The following AUTS2 variants were observed in gnomAD, a reference collection of about 807,000 sequenced individuals.
The protein encoded by AUTS2 is activator of transcription and developmental regulator AUTS2.
In AUTS2, 17 loss-of-function variants were observed where a neutral mutation model predicts 112.4. The ratio of observed to expected loss-of-function variants is 0.15; its 90% CI spans 0.10 to 0.23. The LOEUF (loss-of-function observed/expected upper bound fraction) is 0.23. Ranked by LOEUF, AUTS2 falls within the 10% of genes least tolerant of loss-of-function variation. The probability of loss-of-function intolerance (pLI) is 1.00; values close to 1 mark genes in which losing one functional copy is unlikely to be tolerated. For missense variants in AUTS2, 1,510 were observed against 1,701.6 expected, an observed-to-expected ratio of 0.89 and a Z score of 1.98; for synonymous variants, 751 against 702.7, an observed-to-expected ratio of 1.07 and a Z score of -1.09.
intron 4 of AUTS2, among the ~76,000 whole-genome samples, chr7:70,400,758 T>C (rs1040911174): frequency 6.6e-6 from 1 of 152,188 alleles, no homozygotes; most frequent in African/African-American, 2.4e-5. Context: ...AAACCTTGAC[T>C]GTATCAGAAT....
intron 4 of AUTS2, among the ~76,000 whole-genome samples, chr7:70,404,426 T>G (rs1475623828): frequency 6.6e-6 from 1 of 152,190 alleles, no homozygotes; most frequent in Admixed American, 6.5e-5. Flanking sequence ...GTATTCTCTT[T>G]GTTGTGAAGG....
chr7:69,793,826 A>T (rs1255604036), intron 1 of AUTS2, among the ~76,000 whole-genome samples: 1 of 152,204 alleles, frequency 6.6e-6, no homozygotes, highest in African/African-American at 2.4e-5. Flanking sequence ...TGCAGCCAAG[A>T]CTGAGAGCCA....
intron 5 of AUTS2, among the ~76,000 whole-genome samples, chr7:70,465,164 G>A (rs1337761942): frequency 6.6e-6 from 1 of 152,204 alleles, no homozygotes; most frequent in East Asian, 1.9e-4. Context: ...AAAAACACCA[G>A]AAGGACTTGG....
chr7:69,917,279 C>T (rs1383029866), intron 2 of AUTS2, among the ~76,000 whole-genome samples: 2 of 139,110 alleles, frequency 1.4e-5, no homozygotes, highest in African/African-American at 2.8e-5. Flanking sequence ...AGAGCATTCC[C>T]TTTTTTTTTC....
rs66614263 is a variant in AUTS2 at position 70,768,877 on chromosome 7, C to CTTTTT, written c.1734+821_1734+825dup. Among the ~76,000 whole-genome samples, 21 of 108,222 alleles carry CTTTTT rather than the reference C, an allele frequency of 1.9e-4. 2 individuals carry two copies. The highest frequency in any genetic ancestry group is 3.0e-4 in the Admixed American group (3 of 9,984). 71.0% of individuals were successfully genotyped at this position (108,222 alleles called of 152,430 possible). A position where few individuals can be genotyped will look rare whatever the true frequency, so the allele number is the denominator to read the frequency against. Reference sequence around the variant, plus strand: ...TTGCAAGTTTCTTTGCCAGTGATTTCTTTTTTTTTTTTTTTTAATGAAACC... The same window carrying CTTTTT: ...TTGCAAGTTTCTTTGCCAGTGATTTCTTTTTTTTTTTTTTTTTTTTTAATGAAACC... On this transcript the variant is annotated intron_variant, in intron 10 of 18. Transcript: ENST00000342771.
At chr7:70,163,146 A>G (rs1026834894) in intron 4 of AUTS2, among the ~76,000 whole-genome samples, 1 of 151,726 alleles carries the variant, frequency 6.6e-6, no homozygotes, top group Non-Finnish European at 1.5e-5. Flanking sequence ...GCTGCCAGCT[A>G]TGAGGTTTGG....
chr7:69,657,927 C>T (rs1042703010), intron 1 of AUTS2, among the ~76,000 whole-genome samples: 6 of 152,190 alleles, frequency 3.9e-5, no homozygotes, highest in Non-Finnish European at 5.9e-5. Flanking sequence ...GGCACCTGGG[C>T]CAGGTACAGG....
chr7:69,957,166 G>A (rs544518048), intron 2 of AUTS2, among the ~76,000 whole-genome samples: 6 of 151,088 alleles, frequency 4.0e-5, no homozygotes, highest in East Asian at 2.0e-4. Context: ...GGGAGCCACC[G>A]CAACTGGCAG....
At position 70,694,937 on chromosome 7, in the gene AUTS2, G is replaced by A. The variant is rs928658836; in HGVS notation, c.691-3632G>A. The A allele has an allele frequency of 3.9e-5, 6 of 152,554 alleles. No homozygotes were observed. The highest frequency in any genetic ancestry group is 3.4e-3 in the Middle Eastern group (1 of 294). The allele number at this position is 152,554 out of a possible 1,614,324, so 9.5% of individuals were successfully genotyped here. On this transcript the variant is annotated intron_variant, in intron 5 of 18. Coordinates refer to ENST00000342771, the MANE Select transcript of AUTS2 (RefSeq NM_015570.4). This position sits in a 1 kb window ranked among gnomAD's most constrained non-coding sequence, Gnocchi z 4.1. The stretch of plus-strand genomic sequence containing the variant: ...AGAGTTGGGCGTTTTCTCTTCGTGT[G>A]TTTTGGTGGTTTCCCCCCTGGTCTT...
At chr7:70,340,174 A>G (rs1268551600) in intron 4 of AUTS2, among the ~76,000 whole-genome samples, 1 of 151,422 alleles carries the variant, frequency 6.6e-6, no homozygotes, top group Non-Finnish European at 1.5e-5. Flanking sequence ...ACACACACAC[A>G]CACACACACA....
At chr7:70,489,162 C>G (rs544100512) in intron 5 of AUTS2, among the ~76,000 whole-genome samples, 1 of 152,054 alleles carries the variant, frequency 6.6e-6, no homozygotes, top group African/African-American at 2.4e-5. Flanking sequence ...TCAATAAATA[C>G]AAAAGGCAGA....
chr7:70,015,572 G>A (rs532037646), intron 2 of AUTS2, among the ~76,000 whole-genome samples: 1 of 152,318 alleles, frequency 6.6e-6, no homozygotes, highest in South Asian at 2.1e-4. Context: ...AAAAGAATTA[G>A]TTGAGATAAC....
intron 4 of AUTS2, among the ~76,000 whole-genome samples, chr7:70,235,154 G>A (rs575072486): frequency 7.9e-4 from 121 of 152,292 alleles, no homozygotes; most frequent in Admixed American, 2.4e-3. Flanking sequence ...TTATTTTAGA[G>A]ATGGAGTCTC....
intron 1 of AUTS2, among the ~76,000 whole-genome samples, chr7:69,662,068 C>T (rs1164319994): frequency 1.3e-5 from 2 of 152,016 alleles, no homozygotes; most frequent in African/African-American, 4.8e-5. Flanking sequence ...GTATTACCTC[C>T]TCTCCCACCG....
intron 1 of AUTS2, among the ~76,000 whole-genome samples, chr7:69,897,225 G>A (rs1794786824): frequency 6.6e-6 from 1 of 152,242 alleles, no homozygotes; most frequent in African/African-American, 2.4e-5. Context: ...AGGGAGGAGT[G>A]TGTAAGAGAG....
chr7:70,539,810 G>A (rs1800472302), intron 5 of AUTS2, among the ~76,000 whole-genome samples: 1 of 152,106 alleles, frequency 6.6e-6, no homozygotes, highest in Non-Finnish European at 1.5e-5. Context: ...GGTGTCTGCT[G>A]TGCGGGAAGA....
chr7:70,787,904 A>T (rs1021107862), intron 18 of AUTS2, among the ~76,000 whole-genome samples: 1 of 152,058 alleles, frequency 6.6e-6, no homozygotes, highest in African/African-American at 2.4e-5. Context: ...TTTTGTTCAA[A>T]CTCAAAGCCT....
chr7:69,599,749 C>T lies in AUTS2; in HGVS notation c.96C>T (p.Ala32=), dbSNP rs1333845549. The T allele has an allele frequency of 5.9e-6, 8 of 1,359,340 alleles. No individual in the cohort carries two copies. The highest frequency in any genetic ancestry group is 2.0e-5 in the South Asian group (1 of 50,352). 84.2% of individuals were successfully genotyped at this position (1,359,340 alleles called of 1,614,324 possible). The change falls in exon 1 of 19, where the codon GCC becomes GCT. Residue 32 remains alanine (A), a synonymous_variant. Transcript: ENST00000342771. The surrounding 1 kb of genome is among the most constrained non-coding windows in gnomAD (Gnocchi z 7.0). ...RERRSRGGLG[A]GAAGGGGAGR... Reference sequence around the variant, plus strand: ...GGCGCTCCCGGGGCGGGCTGGGGGCCGGCGCGGCCGGCGGCGGCGGGGCTG... The same window carrying T: ...GGCGCTCCCGGGGCGGGCTGGGGGCTGGCGCGGCCGGCGGCGGCGGGGCTG...
rs1294770252 is a variant in AUTS2, at chr7:70,793,290, T to C, written c.*2294T>C. 2 of 152,190 alleles carry C rather than the reference T, an allele frequency of 1.3e-5. No homozygotes were observed. Among genetic ancestry groups the C allele is most frequent in the African/African-American group, 4.8e-5 (2 of 41,452 alleles). 9.4% of individuals were successfully genotyped at this position (152,190 alleles called of 1,614,324 possible). On this transcript the variant is annotated 3_prime_UTR_variant, in exon 19 of 19. Coordinates refer to ENST00000342771, the MANE Select transcript of AUTS2 (RefSeq NM_015570.4). ...TAGGGCCTGTGACAACAGTTTTTGC[T>C]TGCTCGTTGTATTGCATTTCAATCT...
Sources: allele counts gnomAD v4.1 joint callset (sites outside exome capture counted in the v4.1 genomes callset), GRCh38; gene constraint gnomAD v4.1.1; non-coding constraint Gnocchi (gnomAD v3.1); transcripts MANE v1.5; gene names NCBI Gene and HGNC (gene_info 2026-07-23, HGNC 2026-07-21).